The following UHRF1 variants were observed in gnomAD, a reference collection of about 807,000 sequenced individuals.
UHRF1 encodes the protein E3 ubiquitin-protein ligase UHRF1.
A neutral mutation model predicts 96.5 loss-of-function variants in UHRF1; 9 were observed. The ratio of observed to expected loss-of-function variants is 0.09; its 90% CI spans 0.06 to 0.16. UHRF1 has a LOEUF of 0.16. Ranked by LOEUF, UHRF1 falls within the 10% of genes least tolerant of loss-of-function variation. UHRF1 has a pLI of 1.00. For missense variants in UHRF1, 626 were observed against 1,131.1 expected, an observed-to-expected ratio of 0.55 and a Z score of 6.40; for synonymous variants, 455 against 469.9, an observed-to-expected ratio of 0.97 and a Z score of 0.41.
chr19:4,913,252 C>T (rs376973960), intron 2 of UHRF1, among the ~76,000 whole-genome samples: 45 of 111,176 alleles, frequency 4.0e-4, no homozygotes, highest in African/African-American at 8.6e-4. Context: ...GTACATTGTG[C>T]TTTTTTTTTT....
intron 5 of UHRF1, among the ~76,000 whole-genome samples, chr19:4,940,343 A>G (rs1568422952): frequency 7.0e-6 from 1 of 143,270 alleles, no homozygotes; most frequent in Non-Finnish European, 1.5e-5. Context: ...CCATTGGATC[A>G]AGCGTTGCCT....
At chr19:4,915,784 G>C (rs1056548301) in intron 2 of UHRF1, among the ~76,000 whole-genome samples, 4 of 152,124 alleles carry the variant, frequency 2.6e-5, no homozygotes, top group African/African-American at 9.7e-5. Flanking sequence ...GGACATAGTT[G>C]GTCAATTAGA....
intron 5 of UHRF1, among the ~76,000 whole-genome samples, chr19:4,940,217 A>G (rs985425009): frequency 6.6e-6 from 1 of 152,088 alleles, no homozygotes; most frequent in Non-Finnish European, 1.5e-5. Context: ...ATTTAGAATT[A>G]CATACACAGC....
intron 3 of UHRF1, among the ~76,000 whole-genome samples, chr19:4,929,844 A>G (rs1330627152): frequency 6.6e-6 from 1 of 151,810 alleles, no homozygotes; most frequent in Non-Finnish European, 1.5e-5. Flanking sequence ...TTTGTTGCCC[A>G]GCCTGGGGTG....
chr19:4,910,957 G>T lies in UHRF1; in HGVS notation c.72G>T (p.Lys24Asn). Residue 24 changes from lysine (K) to asparagine (N), a missense_variant, in exon 2 of 17, where the codon AAG becomes AAT. Lys to Asn is a moderately conservative substitution (Grantham distance 94). Coordinates refer to ENST00000650932, the MANE Select transcript of UHRF1 (RefSeq NM_001048201.3). The stretch of plus-strand genomic sequence containing the variant: ...TGGACTCGCTGTCCAGGCTGACCAA[G>T]GTGGAGGAGCTGAGGCGGAAGATCC... ...HTVDSLSRLT[K>N]VEELRRKIQE... 2 of 1,613,656 alleles carry T rather than the reference G, an allele frequency of 1.2e-6. No individual in the cohort carries two copies. Among genetic ancestry groups the T allele is most frequent in the Non-Finnish European group, 1.7e-6 (2 of 1,179,684 alleles).
At chr19:4,917,080 G>T (rs1332136015) in intron 2 of UHRF1, among the ~76,000 whole-genome samples, 12 of 151,464 alleles carry the variant, frequency 7.9e-5, no homozygotes, top group Non-Finnish European at 1.6e-4. Context: ...TGGGGGGGGG[G>T]GGTGCAGTGA....
intron 2 of UHRF1, among the ~76,000 whole-genome samples, chr19:4,912,936 CT>C (rs1221345601): frequency 6.6e-6 from 1 of 151,754 alleles, no homozygotes; most frequent in Non-Finnish European, 1.5e-5. Flanking sequence ...GTTTTTGTAT[CT>C]TTTGTAGAGA....
At position 4,929,080 on chromosome 19, in the gene UHRF1, AG is replaced by A. The variant is rs2032963471; in HGVS notation, c.154-140del. 3.3e-6 allele frequency: 4 copies of A among 1,205,764 alleles called. No homozygotes were observed. In the East Asian group the frequency reaches 9.6e-5, roughly 29 times the overall value. 74.7% of individuals were successfully genotyped at this position (1,205,764 alleles called of 1,614,324 possible). A position where few individuals can be genotyped will look rare whatever the true frequency, so the allele number is the denominator to read the frequency against. The stretch of plus-strand genomic sequence containing the variant: ...GCGGGACAGCCCCCTGGCATGGCCC[AG>A]GTATCATGGCTCTTTACTCTGATGC... On this transcript the variant is annotated intron_variant, in intron 2 of 16. Coordinates refer to ENST00000650932, the MANE Select transcript of UHRF1 (RefSeq NM_001048201.3).
upstream of UHRF1, chr19:4,909,084 G>A: frequency 5.8e-6 from 1 of 171,120 alleles, no homozygotes; most frequent in South Asian, 1.4e-4. Flanking sequence ...CAGGGTGCAG[G>A]TGGTCTCCTA....
intron 5 of UHRF1, 57 bp downstream of exon 5, chr19:4,933,013 C>T: frequency 1.3e-6 from 2 of 1,509,800 alleles, no homozygotes; most frequent in African/African-American, 1.4e-5. Flanking sequence ...CCTCCCGGGG[C>T]CCCCGGACTG....
rs546238973 is a variant in UHRF1, at chr19:4,928,328, GA to G, written c.154-893del. On this transcript the variant is annotated intron_variant, in intron 2 of 16. Coordinates refer to ENST00000650932, the MANE Select transcript of UHRF1 (RefSeq NM_001048201.3). Reference sequence around the variant, plus strand: ...GGGCATCTAGATGGCAAATCATCAGGAGGGGGGGGTCCTAGATGGCAAACCA... The same window carrying G: ...GGGCATCTAGATGGCAAATCATCAGGGGGGGGGGTCCTAGATGGCAAACCA... 5.0e-3 allele frequency among the ~76,000 whole-genome samples: 755 copies of G among 151,812 alleles called. 4 individuals carry two copies. The highest frequency in any genetic ancestry group is 0.017 in the African/African-American group (718 of 41,294).
chr19:4,942,223 C>T (rs1336252787), intron 7 of UHRF1, among the ~76,000 whole-genome samples: 5 of 151,382 alleles, frequency 3.3e-5, no homozygotes, highest in Admixed American at 6.6e-5. Context: ...GGCGGAGTCT[C>T]GCTGTCTCCC....
intron 5 of UHRF1, among the ~76,000 whole-genome samples, chr19:4,934,700 G>A (rs1234487774): frequency 6.6e-6 from 1 of 152,122 alleles, no homozygotes; most frequent in East Asian, 1.9e-4. Context: ...TCTTGGCAAC[G>A]GCGTTCCAAG....
At chr19:4,904,303 C>T (rs1002449765) in intron 1 of UHRF1, among the ~76,000 whole-genome samples, 1 of 152,114 alleles carries the variant, frequency 6.6e-6, no homozygotes, top group Non-Finnish European at 1.5e-5. Flanking sequence ...CTCAGCTTCC[C>T]GAGTAGCTGG....
Position 4,954,961 on chromosome 19 carries a change from C to A in UHRF1, c.2130+139C>A. On this transcript the variant is annotated intron_variant, in intron 15 of 16. Coordinates refer to ENST00000650932, the MANE Select transcript of UHRF1 (RefSeq NM_001048201.3). The surrounding 1 kb of genome is among the most constrained non-coding windows in gnomAD (Gnocchi z 5.9). ...CATTCTTGTGGTTGTGCAACCATCACCACCATCACCACCTCCAGAACTTTA... is the reference window on the plus strand; with the variant it reads ...CATTCTTGTGGTTGTGCAACCATCAACACCATCACCACCTCCAGAACTTTA... The A allele has an allele frequency of 2.9e-6, 3 of 1,022,218 alleles. No individual in the cohort carries two copies. Among genetic ancestry groups the A allele is most frequent in the Non-Finnish European group, 4.3e-6 (3 of 698,870 alleles). The allele number at this position is 1,022,218 out of a possible 1,614,324, so 63.3% of individuals were successfully genotyped here. A position where few individuals can be genotyped will look rare whatever the true frequency, so the allele number is the denominator to read the frequency against.
intron 2 of UHRF1, among the ~76,000 whole-genome samples, chr19:4,911,824 G>C (rs763630176): frequency 3.3e-5 from 5 of 152,168 alleles, no homozygotes; most frequent in African/African-American, 4.8e-5. Flanking sequence ...CAGTGTGATC[G>C]AAGGTGTAGG....
chr19:4,928,369 T>C (rs959097974), intron 2 of UHRF1, among the ~76,000 whole-genome samples: 3 of 151,378 alleles, frequency 2.0e-5, no homozygotes, highest in Admixed American at 6.6e-5. Flanking sequence ...GAGAGGGTCC[T>C]TGTTGGGTGT....
intron 16 of UHRF1, among the ~76,000 whole-genome samples, chr19:4,957,296 GGT>G (rs2033880930): frequency 8.4e-6 from 1 of 119,468 alleles, no homozygotes; most frequent in Non-Finnish European, 1.6e-5. Context: ...CCCAGCTGAT[GGT>G]TTTTTTTTTT....
intron 10 of UHRF1, 23 bp downstream of exon 10, chr19:4,945,988 T>TGGGG: frequency 2.4e-6 from 1 of 424,892 alleles, no homozygotes; most frequent in Non-Finnish European, 4.3e-6. Flanking sequence ...GTGGGAGGGG[T>TGGGG]GGGGGAGGGT....
Sources: allele counts gnomAD v4.1 joint callset (sites outside exome capture counted in the v4.1 genomes callset), GRCh38; gene constraint gnomAD v4.1.1; non-coding constraint Gnocchi (gnomAD v3.1); transcripts MANE v1.5; gene names NCBI Gene and HGNC (gene_info 2026-07-23, HGNC 2026-07-21).